TADA2A: variants seen among roughly 807,000 people sequenced by gnomAD.
TADA2A encodes the protein transcriptional adaptor 2A, also known as transcriptional adapter 2-alpha.
TADA2A carries 38 observed loss-of-function variants against 67.4 expected under a neutral mutation model. The observed-to-expected ratio is 0.56, with a 90% CI of 0.44 to 0.74. The LOEUF (loss-of-function observed/expected upper bound fraction) is 0.74. Ranked by LOEUF, TADA2A falls within the 30% of genes least tolerant of loss-of-function variation. The probability of loss-of-function intolerance (pLI) is 0.00; values close to 1 mark genes in which losing one functional copy is unlikely to be tolerated. For missense variants in TADA2A, 454 were observed against 547.0 expected (o/e 0.83, Z 1.70); for synonymous variants, 192 against 181.6 (o/e 1.06, Z -0.46).
At chr17:37,451,189 G>C (rs2053222428) in intron 8 of TADA2A, among the ~76,000 whole-genome samples, 1 of 151,788 alleles carries the variant, frequency 6.6e-6, no homozygotes, top group South Asian at 2.1e-4. Flanking sequence ...CACCACACTT[G>C]GCTAATTTAT....
At chr17:37,428,595 A>G (rs1471489057) in intron 4 of TADA2A, among the ~76,000 whole-genome samples, 1 of 152,064 alleles carries the variant, frequency 6.6e-6, no homozygotes. Flanking sequence ...TTCCTCTTCT[A>G]CTTTGAGACA....
chr17:37,471,166 T>C, intron 14 of TADA2A, 29 bp downstream of exon 14: 1 of 1,612,038 alleles, frequency 6.2e-7, no homozygotes, highest in Non-Finnish European at 8.5e-7. Flanking sequence ...AGAACAAGTC[T>C]TAATTGTGAA....
intron 2 of TADA2A, among the ~76,000 whole-genome samples, chr17:37,413,355 A>T (rs2051937819): frequency 6.6e-6 from 1 of 152,174 alleles, no homozygotes; most frequent in Non-Finnish European, 1.5e-5. Context: ...GAGAAATCTA[A>T]GTGGACTGCT....
chr17:37,418,310 A>G (rs1243568971), intron 2 of TADA2A, among the ~76,000 whole-genome samples: 1 of 152,200 alleles, frequency 6.6e-6, no homozygotes, highest in Non-Finnish European at 1.5e-5. Context: ...AATTTTTATT[A>G]GAATGTATTG....
chr17:37,430,163 T>C (rs1004466637), intron 4 of TADA2A, among the ~76,000 whole-genome samples: 7 of 152,224 alleles, frequency 4.6e-5, no homozygotes, highest in Non-Finnish European at 7.3e-5. Flanking sequence ...TTCATAATGC[T>C]GAAAGCACTG....
intron 14 of TADA2A, among the ~76,000 whole-genome samples, chr17:37,471,917 T>C (rs1040730358): frequency 6.6e-6 from 1 of 152,038 alleles, no homozygotes; most frequent in African/African-American, 2.4e-5. Context: ...TTTACCTCTT[T>C]GAGTATGTCC....
At chr17:37,447,314 C>T (rs2147987695) in intron 8 of TADA2A, among the ~76,000 whole-genome samples, 1 of 152,212 alleles carries the variant, frequency 6.6e-6, no homozygotes, top group African/African-American at 2.4e-5. Context: ...GCCACCATGC[C>T]CAGCTAATTT....
intron 15 of TADA2A, 122 bp downstream of exon 15, chr17:37,474,751 C>T (rs2053859329): frequency 1.9e-6 from 2 of 1,056,814 alleles, no homozygotes; most frequent in Non-Finnish European, 2.7e-6. Flanking sequence ...ATATGCACAG[C>T]TCTGGTGAAT....
chr17:37,462,869 T>C (rs1568178219), intron 10 of TADA2A, among the ~76,000 whole-genome samples: 2 of 152,202 alleles, frequency 1.3e-5, no homozygotes, highest in Non-Finnish European at 1.5e-5. Flanking sequence ...TGGATGGTTA[T>C]AGACAGACAA....
chr17:37,421,834 A>C (rs980913387), intron 2 of TADA2A, among the ~76,000 whole-genome samples: 1 of 24,098 alleles, frequency 4.1e-5, no homozygotes, highest in South Asian at 1.6e-3. Flanking sequence ...AACTTTTTAT[A>C]GAAAAGTCAA....
At chr17:37,461,556 T>C (rs1389874822) in intron 9 of TADA2A, among the ~76,000 whole-genome samples, 1 of 152,238 alleles carries the variant, frequency 6.6e-6, no homozygotes, top group Admixed American at 6.5e-5. Flanking sequence ...ACTCAGTTGC[T>C]GATGTTGCTA....
intron 11 of TADA2A, 143 bp downstream of exon 11, chr17:37,465,684 A>AT: frequency 1.4e-6 from 2 of 1,465,858 alleles, no homozygotes; most frequent in Non-Finnish European, 1.8e-6. Context: ...CATGAGACAA[A>AT]TTTGGGACTA....
chr17:37,475,743 AT>A (rs762393048), intron 15 of TADA2A, among the ~76,000 whole-genome samples: 2 of 152,156 alleles, frequency 1.3e-5, no homozygotes, highest in Non-Finnish European at 2.9e-5. Flanking sequence ...GGGATTAGAG[AT>A]GTGAGCCACT....
intron 4 of TADA2A, among the ~76,000 whole-genome samples, chr17:37,432,544 A>G (rs942771685): frequency 6.6e-6 from 1 of 152,174 alleles, no homozygotes; most frequent in Non-Finnish European, 1.5e-5. Context: ...TCTTTTAATT[A>G]CTGAGTAATA....
At chr17:37,467,615 T>TA in intron 12 of TADA2A, 90 bp downstream of exon 12, 9 of 1,171,760 alleles carry the variant, frequency 7.7e-6, no homozygotes, top group South Asian at 2.8e-5. Flanking sequence ...AATTTTTTTT[T>TA]AAAAAACAAG....
At chr17:37,468,534 T>C in intron 12 of TADA2A, among the ~76,000 whole-genome samples, 1 of 144,966 alleles carries the variant, frequency 6.9e-6, no homozygotes, top group Admixed American at 6.9e-5. Context: ...TTTTCTTTCC[T>C]TTTTTTTTTT....
chr17:37,438,116 A>G (rs2052787886), intron 5 of TADA2A: 2 of 266,636 alleles, frequency 7.5e-6, no homozygotes, highest in Admixed American at 5.2e-5. Context: ...ATAGTAGGGA[A>G]GTTTAGTTTC....
chr17:37,476,213 A>G (rs1436725863), intron 15 of TADA2A, among the ~76,000 whole-genome samples: 1 of 152,190 alleles, frequency 6.6e-6, no homozygotes. Flanking sequence ...CATAATGGTG[A>G]CCTCAGACTC....
At chr17:37,441,345 T>TA (rs1292516086) in intron 6 of TADA2A, among the ~76,000 whole-genome samples, 2 of 152,202 alleles carry the variant, frequency 1.3e-5, no homozygotes, top group African/African-American at 2.4e-5. Flanking sequence ...CTTATGATTA[T>TA]ACATATGAGT....
Sources: allele counts gnomAD v4.1 joint callset (sites outside exome capture counted in the v4.1 genomes callset), GRCh38; gene constraint gnomAD v4.1.1; transcripts MANE v1.5; gene names NCBI Gene and HGNC (gene_info 2026-07-23, HGNC 2026-07-21).